Variants in OPRM1 observed in about 807,000 individuals in gnomAD.
The protein encoded by OPRM1 is opioid receptor mu 1.
In OPRM1, 27 loss-of-function variants were observed where a neutral mutation model predicts 31.8. The observed-to-expected ratio is 0.85, with a 90% confidence interval of 0.63 to 1.17. The LOEUF is 1.17. Ranked by LOEUF, OPRM1 falls within the 50% of genes most tolerant of loss-of-function variation. OPRM1 has a pLI of 0.00. For synonymous variants in OPRM1, 196 were observed against 189.9 expected, an observed-to-expected ratio of 1.03 and a Z score of -0.26; for missense variants, 536 against 511.1, an observed-to-expected ratio of 1.05 and a Z score of -0.47.
At chr6:154,207,501 G>C (rs1777600086) in intron 3 of OPRM1, among the ~76,000 whole-genome samples, 1 of 152,066 alleles carries the variant, frequency 6.6e-6, no homozygotes, top group Non-Finnish European at 1.5e-5. Context: ...GTCTTGTTAA[G>C]ATTAAATGTG....
intron 3 of OPRM1, among the ~76,000 whole-genome samples, chr6:154,203,446 TA>T (rs1426019006): frequency 2.0e-5 from 3 of 152,180 alleles, no homozygotes; most frequent in Non-Finnish European, 4.4e-5. Context: ...TAAACACAGA[TA>T]TTTTCCAATA....
In OPRM1 at chr6:154,127,782, G is replaced by A. The variant is rs958304210; in HGVS notation, c.*9061G>A. On this transcript the variant is annotated 3_prime_UTR_variant, in exon 4 of 4. Coordinates refer to ENST00000330432, the MANE Select transcript of OPRM1 (RefSeq NM_000914.5). ...GTGGCAAACCTGATTCCTAATGCCT[G>A]TTCCTGCCTCTGCAGGGGTTCATTC... Among the ~76,000 whole-genome samples the A allele has an allele frequency of 7.2e-5, 11 of 152,212 alleles. No homozygotes were observed. The highest frequency in any genetic ancestry group is 2.7e-4 in the African/African-American group (11 of 41,442).
At position 154,245,566 on chromosome 6, in the gene OPRM1, A is replaced by T. The variant is rs576692510; in HGVS notation, c.1165-1127A>T. Among the ~76,000 whole-genome samples, 3 of 152,358 alleles carry T rather than the reference A, an allele frequency of 2.0e-5. No homozygotes were observed. The South Asian group carries it at 6.2e-4, about 32-fold the overall frequency. ...ATGCAGTACTTATTTTGCATTTATA[A>T]AGTTACATGATGTACAGCTCTGTTG... On this transcript the variant is annotated intron_variant, in intron 3 of 3. Coordinates refer to the OPRM1 transcript ENST00000337049.
intron 3 of OPRM1, among the ~76,000 whole-genome samples, chr6:154,146,823 T>C (rs1583655133): frequency 6.6e-6 from 1 of 151,644 alleles, no homozygotes; most frequent in Admixed American, 6.6e-5. Context: ...CAGAGAAGAG[T>C]TGGGGCCAGA....
chr6:154,179,581 C>T (rs1426808882), intron 3 of OPRM1, among the ~76,000 whole-genome samples: 1 of 152,142 alleles, frequency 6.6e-6, no homozygotes, highest in African/African-American at 2.4e-5. Context: ...TCCTTCCTTT[C>T]TGGAGCATAT....
chr6:154,085,569 C>A (rs1341126118), intron 1 of OPRM1, among the ~76,000 whole-genome samples: 3 of 152,184 alleles, frequency 2.0e-5, no homozygotes, highest in Non-Finnish European at 4.4e-5. Flanking sequence ...TAGGAAGGGT[C>A]AATATCAGGA....
At position 154,119,535 on chromosome 6, in the gene OPRM1, A is replaced by C. The variant is rs1797191082; in HGVS notation, c.*814A>C. ...TAATAGTCAATGAGCTCATCACTTC[A>C]TCCATGCAGGAAGTCAAGCATTAAA... is the stretch of plus-strand genomic sequence containing the variant. On this transcript the variant is annotated 3_prime_UTR_variant, in exon 4 of 4. Transcript: ENST00000330432. 1 of 651,022 alleles carries C rather than the reference A, an allele frequency of 1.5e-6. No individual in the cohort carries two copies. The highest frequency in any genetic ancestry group is 1.9e-6 in the Non-Finnish European group (1 of 524,872). The allele number at this position is 651,022 out of a possible 1,614,324, so 40.3% of individuals were successfully genotyped here.
chr6:154,215,050 T>C (rs1391175732), intron 3 of OPRM1, among the ~76,000 whole-genome samples: 1 of 152,190 alleles, frequency 6.6e-6, no homozygotes, highest in Non-Finnish European at 1.5e-5. Flanking sequence ...TTTCTACTTA[T>C]TGGGAGGATC....
intron 3 of OPRM1, among the ~76,000 whole-genome samples, chr6:154,188,935 C>CA (rs60712490): frequency 0.08 from 11,966 of 149,650 alleles, 969 homozygotes; most frequent in East Asian, 0.43. Flanking sequence ...TTCTTGATAC[C>CA]AAAAAAAAGC....
At chr6:154,084,675 A>G (rs1790074240) in intron 1 of OPRM1, among the ~76,000 whole-genome samples, 1 of 146,534 alleles carries the variant, frequency 6.8e-6, no homozygotes, top group Admixed American at 6.9e-5. Flanking sequence ...GGGTAAGTGG[A>G]CATAAAAGTC....
At chr6:154,018,461 T>A (rs1778140905) in intron 1 of OPRM1, among the ~76,000 whole-genome samples, 1 of 150,994 alleles carries the variant, frequency 6.6e-6, no homozygotes, top group Non-Finnish European at 1.5e-5. Flanking sequence ...TATACATCCT[T>A]GGGTTCCAAG....
chr6:154,015,050 G>A (rs1777929148), intron 1 of OPRM1, among the ~76,000 whole-genome samples: 1 of 152,072 alleles, frequency 6.6e-6, no homozygotes, highest in Non-Finnish European at 1.5e-5. Flanking sequence ...TTAAACAAAT[G>A]AAAAGATATG....
At chr6:154,021,606 A>G (rs73788952) in intron 1 of OPRM1, among the ~76,000 whole-genome samples, 3,503 of 152,054 alleles carry the variant, frequency 0.023, 140 homozygotes, top group African/African-American at 0.081. Context: ...ATCTTTCTCT[A>G]TTTATTTAGC....
rs1370272182 is a variant in OPRM1, at chr6:154,191,967, C to T, written c.1165-54726C>T. Among the ~76,000 whole-genome samples the T allele has an allele frequency of 2.6e-5, 4 of 150,984 alleles. No individual in the cohort carries two copies. In the East Asian group the frequency reaches 7.8e-4, roughly 29 times the overall value. The stretch of plus-strand genomic sequence containing the variant: ...CAGCATTTTACATAAGAGCCCACAA[C>T]TGAAAAAAAAAGTGTTCACCAATAG... On this transcript the variant is annotated intron_variant, in intron 3 of 3. Transcript: ENST00000337049.
chr6:154,017,927 A>G (rs984071279), intron 1 of OPRM1, among the ~76,000 whole-genome samples: 6 of 152,158 alleles, frequency 3.9e-5, no homozygotes, highest in African/African-American at 1.2e-4. Flanking sequence ...CAACTGTTCA[A>G]TCAATCAAAC....
At chr6:154,038,432 G>A (rs1779450892), upstream of OPRM1, among the ~76,000 whole-genome samples, 2 of 152,126 alleles carry the variant, frequency 1.3e-5, no homozygotes, top group Admixed American at 6.5e-5. Context: ...ACGTATCCAT[G>A]TTTCTCAAGG....
At chr6:154,235,382 A>T (rs1780034757) in intron 3 of OPRM1, among the ~76,000 whole-genome samples, 1 of 152,104 alleles carries the variant, frequency 6.6e-6, no homozygotes, top group South Asian at 2.1e-4. Context: ...AATACAAAAA[A>T]TTAGCTGGGT....
chr6:154,134,402 C>T (rs1053813647), downstream of OPRM1, among the ~76,000 whole-genome samples: 4 of 152,116 alleles, frequency 2.6e-5, no homozygotes, highest in Admixed American at 1.3e-4. Flanking sequence ...CAGGAGGGTG[C>T]CCTCTCTGAA....
upstream of OPRM1, among the ~76,000 whole-genome samples, chr6:154,036,567 T>A (rs1395885943): frequency 6.6e-6 from 1 of 151,968 alleles, no homozygotes; most frequent in East Asian, 1.9e-4. Context: ...TGCCTGTAAT[T>A]CTAGAAGAAA....
Sources: allele counts gnomAD v4.1 joint callset (sites outside exome capture counted in the v4.1 genomes callset), GRCh38; gene constraint gnomAD v4.1.1; transcripts MANE v1.5; gene names NCBI Gene and HGNC (gene_info 2026-07-23, HGNC 2026-07-21).